PHACTR2: variants seen among roughly 807,000 people sequenced by gnomAD.
PHACTR2 encodes phosphatase and actin regulator 2, also known as chromosome 6 open reading frame 56.
PHACTR2 carries 30 observed loss-of-function variants against 76.0 expected under a neutral mutation model. The ratio of observed to expected loss-of-function variants is 0.39; its 90% CI spans 0.30 to 0.54. PHACTR2 has a LOEUF of 0.54. Among genes scored for constraint, PHACTR2 ranks in the 20% least tolerant of loss-of-function variants. The pLI, the probability that PHACTR2 is intolerant of heterozygous loss-of-function variation, is 0.61. For missense variants in PHACTR2, 696 were observed against 781.1 expected (o/e 0.89, Z 1.30); for synonymous variants, 292 against 292.5 (o/e 1.00, Z 0.02).
chr6:143,668,712 A>T (rs528375644), intron 1 of PHACTR2, among the ~76,000 whole-genome samples: 2 of 152,124 alleles, frequency 1.3e-5, no homozygotes, highest in Non-Finnish European at 2.9e-5. Flanking sequence ...CTGTAGGATC[A>T]GTGGTAATAT....
At chr6:143,741,945 T>C (rs756079851) in intron 2 of PHACTR2, among the ~76,000 whole-genome samples, 3 of 151,394 alleles carry the variant, frequency 2.0e-5, no homozygotes, top group Non-Finnish European at 2.9e-5. Context: ...CTACCAAAAA[T>C]ACAAAAAAAA....
intron 1 of PHACTR2, among the ~76,000 whole-genome samples, chr6:143,704,115 G>GTGTGTGTGTGTC (rs1777986708): frequency 6.6e-6 from 1 of 151,888 alleles, no homozygotes. Context: ...GTGTGTGTGT[G>GTGTGTGTGTGTC]TGTGTGTGGT....
At chr6:143,736,258 T>A (rs1778816985) in intron 2 of PHACTR2, among the ~76,000 whole-genome samples, 1 of 152,216 alleles carries the variant, frequency 6.6e-6, no homozygotes, top group Non-Finnish European at 1.5e-5. Context: ...TGCAGGTTAC[T>A]ATTATAATCT....
In PHACTR2 at chr6:143,800,989, A is replaced by G. The variant is rs1183975371; in HGVS notation, c.1846-6068A>G. On this transcript the variant is annotated intron_variant, in intron 11 of 12. Coordinates refer to ENST00000440869, the MANE Select transcript of PHACTR2 (RefSeq NM_001100164.2). This position sits in a 1 kb window ranked among gnomAD's most constrained non-coding sequence, Gnocchi z 4.8. ...CAGCTGGATATGAAATTTTGGGTTG[A>G]AAATTCTTTTCTTTAAGAATGTTGA... is the stretch of plus-strand genomic sequence containing the variant. Among the ~76,000 whole-genome samples the G allele has an allele frequency of 6.6e-6, 1 of 152,180 alleles. No homozygotes were observed. The highest frequency in any genetic ancestry group is 2.4e-5 in the African/African-American group (1 of 41,446).
At chr6:143,749,193 CG>C in intron 3 of PHACTR2, 128 bp downstream of exon 3, 1 of 597,588 alleles carries the variant, frequency 1.7e-6, no homozygotes, top group Non-Finnish European at 3.0e-6. Flanking sequence ...GCATTCCAAG[CG>C]CCGTGCTTCC....
In PHACTR2 at chr6:143,777,819, CA is replaced by C. The variant is rs1016644081; in HGVS notation, c.1645+440del. On this transcript the variant is annotated intron_variant, in intron 9 of 12. Transcript: ENST00000440869. This position sits in a 1 kb window ranked among gnomAD's most constrained non-coding sequence, Gnocchi z 4.6. ...TGCTAGTTTAACAAATGGCTCAATTCAAAACAAAATTTTCAATCCATTGCAT... is the reference window on the plus strand; with the variant it reads ...TGCTAGTTTAACAAATGGCTCAATTCAAACAAAATTTTCAATCCATTGCAT... 1.3e-5 allele frequency among the ~76,000 whole-genome samples: 2 copies of C among 152,152 alleles called. No homozygotes were observed. Among genetic ancestry groups the C allele is most frequent in the Non-Finnish European group, 2.9e-5 (2 of 68,024 alleles).
intron 1 of PHACTR2, among the ~76,000 whole-genome samples, chr6:143,628,062 G>T (rs776566095): frequency 6.6e-6 from 1 of 152,084 alleles, no homozygotes; most frequent in Non-Finnish European, 1.5e-5. Context: ...TTTGTGTCTG[G>T]CTTTTCAAAT....
In PHACTR2 at chr6:143,819,067, T is replaced by C. The variant is rs1776360642; in HGVS notation, c.1923-4607T>C. ...TGTAATTAAGTTTAGGGGCTTCTGATTGGACTCCTCAGTCATATAGAATTA... is the reference window on the plus strand; with the variant it reads ...TGTAATTAAGTTTAGGGGCTTCTGACTGGACTCCTCAGTCATATAGAATTA... On this transcript the variant is annotated intron_variant, in intron 12 of 12. Transcript: ENST00000440869. This position sits in a 1 kb window ranked among gnomAD's most constrained non-coding sequence, Gnocchi z 5.0. Among the ~76,000 whole-genome samples, 1 of 152,202 alleles carries C rather than the reference T, an allele frequency of 6.6e-6. No homozygotes were observed. Among genetic ancestry groups the C allele is most frequent in the Admixed American group, 6.5e-5 (1 of 15,276 alleles).
At chr6:143,691,986 T>C (rs1167991332) in intron 1 of PHACTR2, among the ~76,000 whole-genome samples, 3 of 152,218 alleles carry the variant, frequency 2.0e-5, no homozygotes, top group Non-Finnish European at 4.4e-5. Context: ...TTCCTTTCAA[T>C]TGTGTGCCTA....
At chr6:143,638,695 CT>C (rs1347731999) in intron 1 of PHACTR2, among the ~76,000 whole-genome samples, 1 of 152,058 alleles carries the variant, frequency 6.6e-6, no homozygotes, top group African/African-American at 2.4e-5. Flanking sequence ...TAAATACATA[CT>C]TTTAAAAAAG....
In PHACTR2 at chr6:143,678,006, G is replaced by T. The variant is rs1276663410; in HGVS notation, c.-158G>T. 6.8e-7 allele frequency: 1 copy of T among 1,470,782 alleles called. No individual in the cohort carries two copies. The highest frequency in any genetic ancestry group is 2.8e-5 in the East Asian group (1 of 35,098). 91.1% of individuals were successfully genotyped at this position (1,470,782 alleles called of 1,614,324 possible). On this transcript the variant is annotated 5_prime_UTR_variant, in exon 1 of 13. Transcript: ENST00000440869. The surrounding 1 kb of genome is among the most constrained non-coding windows in gnomAD (Gnocchi z 6.2). ...CCGCCGCGCCGGCTGCGGCCGGCCG[G>T]GCTGGGAGACCCGCGCGGGGTAGAA...
At chr6:143,759,568 G>C (rs1779384785) in intron 4 of PHACTR2, among the ~76,000 whole-genome samples, 1 of 151,344 alleles carries the variant, frequency 6.6e-6, no homozygotes, top group Admixed American at 6.6e-5. Flanking sequence ...GTTAGAGGCT[G>C]CAGTGAGCCG....
At position 143,795,063 on chromosome 6, in the gene PHACTR2, G is replaced by A. The variant is rs1428907369; in HGVS notation, c.1845+6153G>A. On this transcript the variant is annotated intron_variant, in intron 11 of 12. Coordinates refer to ENST00000440869, the MANE Select transcript of PHACTR2 (RefSeq NM_001100164.2). This position sits in a 1 kb window ranked among gnomAD's most constrained non-coding sequence, Gnocchi z 4.8. The stretch of plus-strand genomic sequence containing the variant: ...ATGGCTCATGTTGGAAAAGAGAAGT[G>A]GTGGGAGAAATGCCTTATTAATTGT... Among the ~76,000 whole-genome samples, 1 of 152,130 alleles carries A rather than the reference G, an allele frequency of 6.6e-6. No homozygotes were observed. Among genetic ancestry groups the A allele is most frequent in the African/African-American group, 2.4e-5 (1 of 41,418 alleles).
intron 2 of PHACTR2, among the ~76,000 whole-genome samples, chr6:143,741,696 TTTCAAAC>T (rs1274225566): frequency 6.6e-6 from 1 of 152,166 alleles, no homozygotes; most frequent in East Asian, 1.9e-4. Flanking sequence ...CCTGGCCAAG[TTTCAAAC>T]TCTTGAGTGG....
rs908176654 is a variant in PHACTR2 at position 143,553,987 on chromosome 6, G to A, written c.217+16780G>A. ...GCCCCAAGGAACAGAAAAGAATCCCGGGTTGGGCCCCTGTAGACCACCGCA... is the reference window on the plus strand; with the variant it reads ...GCCCCAAGGAACAGAAAAGAATCCCAGGTTGGGCCCCTGTAGACCACCGCA... On this transcript the variant is annotated intron_variant, in intron 1 of 11. Transcript: ENST00000367584. This position sits in a 1 kb window ranked among gnomAD's most constrained non-coding sequence, Gnocchi z 4.2. Among the ~76,000 whole-genome samples, 5 of 152,058 alleles carry A rather than the reference G, an allele frequency of 3.3e-5. No individual in the cohort carries two copies. Among genetic ancestry groups the A allele is most frequent in the African/African-American group, 1.2e-4 (5 of 41,388 alleles).
In PHACTR2 at chr6:143,786,887, G is replaced by A. The variant is rs118015992; in HGVS notation, c.1708-1886G>A. ...AGATACAATTCAAGTTGAGATTTGGGTGAGGACACCGCCAAACCATATCAT... is the reference window on the plus strand; with the variant it reads ...AGATACAATTCAAGTTGAGATTTGGATGAGGACACCGCCAAACCATATCAT... On this transcript the variant is annotated intron_variant, in intron 10 of 12. Transcript: ENST00000440869. 1.6e-3 allele frequency among the ~76,000 whole-genome samples: 240 copies of A among 152,244 alleles called. 3 individuals are homozygous for A. In the East Asian group the frequency reaches 0.029, roughly 18 times the overall value.
rs181164249 is a variant in PHACTR2, at chr6:143,672,550, T to G, written c.14-39466T>G. Among the ~76,000 whole-genome samples the G allele has an allele frequency of 3.0e-3, 455 of 152,320 alleles. 9 individuals carry two copies. Among genetic ancestry groups the G allele is most frequent in the Admixed American group, 0.029 (444 of 15,302 alleles). On this transcript the variant is annotated intron_variant, in intron 1 of 11. Transcript: ENST00000305766. The surrounding 1 kb of genome is among the most constrained non-coding windows in gnomAD (Gnocchi z 5.8). ...ACCTACTATTAGAATTTAATCTTTC[T>G]TTAATTCAGGAAGCACTTCACAATC...
rs964508246 is a variant in PHACTR2, at chr6:143,656,179, G to A, written c.13+47857G>A. Among the ~76,000 whole-genome samples, 4 of 152,172 alleles carry A rather than the reference G, an allele frequency of 2.6e-5. No homozygotes were observed. The highest frequency in any genetic ancestry group is 9.7e-5 in the African/African-American group (4 of 41,440). On this transcript the variant is annotated intron_variant, in intron 1 of 11. Transcript: ENST00000305766. This position sits in a 1 kb window ranked among gnomAD's most constrained non-coding sequence, Gnocchi z 5.3. ...GAGACTTCTAGCAGGGTTGTCTGGT[G>A]GGACATGCCCTGGGATATGGGGTCA... is the stretch of plus-strand genomic sequence containing the variant.
rs1392005296 is a variant in PHACTR2 at position 143,730,164 on chromosome 6, A to G, written c.214+17981A>G. ...TCTAGTTTGTTTGGCTTTCATTTAA[A>G]TTTTAGAACCAACTTGTTTTTATTG... On this transcript the variant is annotated intron_variant, in intron 2 of 12. Coordinates refer to ENST00000440869, the MANE Select transcript of PHACTR2 (RefSeq NM_001100164.2). This position sits in a 1 kb window ranked among gnomAD's most constrained non-coding sequence, Gnocchi z 4.8. Among the ~76,000 whole-genome samples, 7 of 152,134 alleles carry G rather than the reference A, an allele frequency of 4.6e-5. No homozygotes were observed. Among genetic ancestry groups the G allele is most frequent in the Admixed American group, 4.6e-4 (7 of 15,278 alleles).
Sources: allele counts gnomAD v4.1 joint callset (sites outside exome capture counted in the v4.1 genomes callset), GRCh38; gene constraint gnomAD v4.1.1; non-coding constraint Gnocchi (gnomAD v3.1); transcripts MANE v1.5; gene names NCBI Gene and HGNC (gene_info 2026-07-23, HGNC 2026-07-21).